TFAP2D: variants seen among roughly 807,000 people sequenced by gnomAD.
TFAP2D encodes the protein transcription factor AP-2 delta.
A neutral mutation model predicts 43.6 loss-of-function variants in TFAP2D; 9 were observed. The ratio of observed to expected loss-of-function variants is 0.21; its 90% CI spans 0.12 to 0.36. TFAP2D has a LOEUF of 0.36. TFAP2D is among the 10% of genes least tolerant of loss of function. The pLI is 1.00. For missense variants in TFAP2D, 513 were observed against 561.4 expected (o/e 0.91, Z 0.87); for synonymous variants, 256 against 224.9 (o/e 1.14, Z -1.24).
intron 5 of TFAP2D, among the ~76,000 whole-genome samples, chr6:50,732,031 C>T (rs766859063): frequency 1.8e-4 from 27 of 152,170 alleles, no homozygotes; most frequent in Non-Finnish European, 2.6e-4. Flanking sequence ...ACCATACTTA[C>T]TATTTCTTGT....
intron 7 of TFAP2D, among the ~76,000 whole-genome samples, chr6:50,762,492 T>C (rs1769376838): frequency 6.6e-6 from 1 of 152,040 alleles, no homozygotes; most frequent in Non-Finnish European, 1.5e-5. Context: ...GGAAGAAACC[T>C]GACACTTAAG....
At chr6:50,758,033 C>T (rs150306798) in intron 7 of TFAP2D, among the ~76,000 whole-genome samples, 1 of 151,110 alleles carries the variant, frequency 6.6e-6, no homozygotes, top group East Asian at 2.0e-4. Context: ...ATATTCTCCA[C>T]TGGTTCATTC....
chr6:50,754,881 T>A (rs973351371), intron 7 of TFAP2D, among the ~76,000 whole-genome samples: 3 of 151,978 alleles, frequency 2.0e-5, no homozygotes, highest in Non-Finnish European at 4.4e-5. Flanking sequence ...CTTAGATGTA[T>A]AATTTGCAAA....
In TFAP2D at chr6:50,757,495, T is replaced by TATATAATTATTCTATATATAGAATAC. The variant is rs1561940245; in HGVS notation, c.1139+6192_1139+6217dup. Among the ~76,000 whole-genome samples the TATATAATTATTCTATATATAGAATAC allele has an allele frequency of 2.6e-3, 202 of 77,590 alleles. 14 individuals are homozygous for TATATAATTATTCTATATATAGAATAC. Among genetic ancestry groups the TATATAATTATTCTATATATAGAATAC allele is most frequent in the South Asian group, 7.6e-3 (18 of 2,368 alleles). 50.9% of individuals were successfully genotyped at this position (77,590 alleles called of 152,430 possible). On this transcript the variant is annotated intron_variant, in intron 7 of 7. Transcript: ENST00000008391. ...ATAATTATTCTATATATATATAATA[T>TATATAATTATTCTATATATAGAATAC]ATATAATTATTCTATATATAGAATA...
rs527302774 is a variant in TFAP2D, at chr6:50,766,081, T to C, written c.1140-6564T>C. ...AAGGATCCAATTTTACTTTTTTGCA[T>C]GTGGATACTCAGTTTTTCTAGAACC... On this transcript the variant is annotated intron_variant, in intron 7 of 7. Coordinates refer to ENST00000008391, the MANE Select transcript of TFAP2D (RefSeq NM_172238.4). 3.3e-5 allele frequency among the ~76,000 whole-genome samples: 5 copies of C among 152,334 alleles called. 1 individual carries two copies. The East Asian group carries it at 9.7e-4, about 29-fold the overall frequency.
At chr6:50,733,290 T>A (rs1768918359) in intron 5 of TFAP2D, among the ~76,000 whole-genome samples, 1 of 152,120 alleles carries the variant, frequency 6.6e-6, no homozygotes, top group Non-Finnish European at 1.5e-5. Flanking sequence ...TTCATCTAAG[T>A]GGTTTAAATC....
intron 5 of TFAP2D, among the ~76,000 whole-genome samples, chr6:50,744,752 T>C (rs1396232709): frequency 6.6e-6 from 1 of 152,154 alleles, no homozygotes; most frequent in African/African-American, 2.4e-5. Flanking sequence ...ACAAAATGAC[T>C]TGTCCATGGG....
intron 7 of TFAP2D, among the ~76,000 whole-genome samples, chr6:50,760,471 G>C (rs191573484): frequency 2.6e-4 from 40 of 151,912 alleles, no homozygotes; most frequent in African/African-American, 8.9e-4. Context: ...ATGCATCTAG[G>C]GTTGAGAACC....
At chr6:50,756,787 C>G (rs1769271094) in intron 7 of TFAP2D, among the ~76,000 whole-genome samples, 1 of 151,948 alleles carries the variant, frequency 6.6e-6, no homozygotes, top group Admixed American at 6.6e-5. Context: ...GCAGAAGACC[C>G]CATAGACTCA....
chr6:50,753,101 A>G (rs1248087482), intron 7 of TFAP2D, among the ~76,000 whole-genome samples: 1 of 151,916 alleles, frequency 6.6e-6, no homozygotes, highest in Admixed American at 6.6e-5. Context: ...GCGCATAATA[A>G]AAGGATTTAT....
At chr6:50,722,556 C>T (rs1768743826) in intron 3 of TFAP2D, among the ~76,000 whole-genome samples, 1 of 151,942 alleles carries the variant, frequency 6.6e-6, no homozygotes, top group African/African-American at 2.4e-5. Flanking sequence ...ATGGCCGCCT[C>T]CCCTTTGCCA....
chr6:50,714,162 G>T, intron 1 of TFAP2D, 68 bp downstream of exon 1: 11 of 1,537,866 alleles, frequency 7.2e-6, no homozygotes, highest in Non-Finnish European at 8.8e-6. Flanking sequence ...CGGTGGCGGC[G>T]GTGGCGGCGG....
chr6:50,750,693 C>G (rs1226178289), intron 6 of TFAP2D, among the ~76,000 whole-genome samples: 1 of 151,850 alleles, frequency 6.6e-6, no homozygotes, highest in Non-Finnish European at 1.5e-5. Context: ...GGCTAGTGAA[C>G]TAAATTACTG....
chr6:50,742,686 C>G (rs1015553035), intron 5 of TFAP2D, among the ~76,000 whole-genome samples: 1 of 151,890 alleles, frequency 6.6e-6, no homozygotes, highest in African/African-American at 2.4e-5. Context: ...TTGGTGTGAA[C>G]AATAACAATG....
At position 50,715,410 on chromosome 6, in the gene TFAP2D, G is replaced by T. The variant is rs557507069; in HGVS notation, c.334G>T (p.Asp112Tyr). Reference protein sequence around the residue: ...YQQIHHGEPTDFINLHNARAL... With the variant: ...YQQIHHGEPTYFINLHNARAL... ...GCAGATCCACCACGGGGAGCCCACC[G>T]ACTTTATTAACCTGCACAATGCGCG... The change falls in exon 2 of 8, where the codon GAC becomes TAC. Residue 112 changes from aspartate (D) to tyrosine (Y), a missense_variant. Asp to Tyr is a radical substitution (Grantham distance 160). Coordinates refer to ENST00000008391, the MANE Select transcript of TFAP2D (RefSeq NM_172238.4). 6.2e-7 allele frequency: 1 copy of T among 1,614,066 alleles called. No homozygotes were observed. Among genetic ancestry groups the T allele is most frequent in the South Asian group, 1.1e-5 (1 of 91,080 alleles).
intron 7 of TFAP2D, among the ~76,000 whole-genome samples, chr6:50,762,692 G>A (rs1769379958): frequency 6.6e-6 from 1 of 152,028 alleles, no homozygotes. Flanking sequence ...TTAAATATAA[G>A]TTACATTTTC....
intron 6 of TFAP2D, among the ~76,000 whole-genome samples, chr6:50,750,774 G>GA (rs1161808098): frequency 6.6e-6 from 1 of 151,882 alleles, no homozygotes; most frequent in Non-Finnish European, 1.5e-5. Context: ...GCAATATTGG[G>GA]AAAAAAGGAT....
chr6:50,758,108 C>A (rs998472276), intron 7 of TFAP2D, among the ~76,000 whole-genome samples: 1 of 151,468 alleles, frequency 6.6e-6, no homozygotes, highest in Non-Finnish European at 1.5e-5. Context: ...GTGCTTAATT[C>A]TCCTATTTAA....
intron 5 of TFAP2D, among the ~76,000 whole-genome samples, chr6:50,742,638 TA>T (rs1380421198): frequency 1.3e-5 from 2 of 151,600 alleles, no homozygotes; most frequent in Non-Finnish European, 2.9e-5. Context: ...AGATGATAGA[TA>T]GATAGACTCT....
Sources: gnomAD v4.1 joint callset for allele counts (sites outside exome capture counted in the v4.1 genomes callset) on GRCh38, gnomAD v4.1.1 for gene constraint, MANE v1.5 for transcripts, NCBI Gene and HGNC (gene_info 2026-07-23, HGNC 2026-07-21) for gene names.